SLC39A11: variants seen among roughly 807,000 people sequenced by gnomAD.
SLC39A11 encodes the protein solute carrier family 39 member 11.
Under a neutral mutation model 36.1 loss-of-function variants are expected in SLC39A11, and 33 were observed. That is an observed-to-expected ratio of 0.91 (90% CI 0.69 to 1.22). The LOEUF (loss-of-function observed/expected upper bound fraction) is 1.22. Among genes scored for constraint, SLC39A11 ranks in the 50% most tolerant of loss-of-function variants. SLC39A11 has a pLI of 0.00. For synonymous variants in SLC39A11, 166 were observed against 170.3 expected (o/e 0.97, Z 0.20); for missense variants, 432 against 430.3 (o/e 1.00, Z -0.03).
At chr17:73,004,156 A>AG in intron 4 of SLC39A11, among the ~76,000 whole-genome samples, 1 of 136,010 alleles carries the variant, frequency 7.4e-6, no homozygotes, top group African/African-American at 2.8e-5. Flanking sequence ...AGAAAGAAAG[A>AG]AGGAAAAAAA....
intron 3 of SLC39A11, among the ~76,000 whole-genome samples, chr17:73,047,618 T>C: frequency 6.6e-6 from 1 of 151,888 alleles, no homozygotes; most frequent in East Asian, 1.9e-4. Flanking sequence ...ACAGAATTAG[T>C]AAGCAGCAGA....
intron 5 of SLC39A11, among the ~76,000 whole-genome samples, chr17:72,918,410 CAAAAAAG>C (rs1442285340): frequency 2.6e-5 from 4 of 151,656 alleles, no homozygotes; most frequent in Middle Eastern, 3.4e-3. Flanking sequence ...ACTCCATCTC[CAAAAAAG>C]AAAAAAGAAA....
At chr17:72,755,963 C>G (rs944525510) in intron 6 of SLC39A11, among the ~76,000 whole-genome samples, 9 of 152,176 alleles carry the variant, frequency 5.9e-5, no homozygotes, top group Non-Finnish European at 1.2e-4. Flanking sequence ...TGACGCTGTT[C>G]CAATCCCAAT....
chr17:72,965,023 G>T (rs962031526), intron 4 of SLC39A11, among the ~76,000 whole-genome samples: 1 of 150,076 alleles, frequency 6.7e-6, no homozygotes, highest in East Asian at 2.0e-4. Flanking sequence ...AACACTGCAT[G>T]TTCTCACTCA....
intron 4 of SLC39A11, among the ~76,000 whole-genome samples, chr17:73,009,745 T>G (rs2090406707): frequency 6.6e-6 from 1 of 152,200 alleles, no homozygotes; most frequent in Non-Finnish European, 1.5e-5. Flanking sequence ...ACAACAAATT[T>G]TTTTTATTAT....
chr17:72,694,896 G>T (rs539000003), intron 7 of SLC39A11, among the ~76,000 whole-genome samples: 9 of 152,160 alleles, frequency 5.9e-5, no homozygotes, highest in Admixed American at 3.9e-4. Flanking sequence ...TTTCCTCCCC[G>T]GGAGAGTCTC....
chr17:72,855,909 A>T (rs1424907686), intron 5 of SLC39A11, among the ~76,000 whole-genome samples: 1 of 151,974 alleles, frequency 6.6e-6, no homozygotes, highest in Admixed American at 6.6e-5. Context: ...AAAAAAAAAA[A>T]GCAGAATAGA....
At chr17:72,688,883 A>G (rs2071880736) in intron 7 of SLC39A11, among the ~76,000 whole-genome samples, 1 of 152,126 alleles carries the variant, frequency 6.6e-6, no homozygotes, top group Admixed American at 6.5e-5. Flanking sequence ...CAGCTACTCT[A>G]GCTCTGACTT....
At chr17:73,086,019 C>T (rs137879786) in intron 2 of SLC39A11, among the ~76,000 whole-genome samples, 24 of 152,166 alleles carry the variant, frequency 1.6e-4, no homozygotes, top group Admixed American at 1.2e-3. Flanking sequence ...CAGAACAGTA[C>T]GTACTATATG....
chr17:72,910,065 A>G (rs1024604128), intron 5 of SLC39A11, among the ~76,000 whole-genome samples: 2 of 151,914 alleles, frequency 1.3e-5, no homozygotes, highest in Admixed American at 6.6e-5. Flanking sequence ...TCAACTTTCT[A>G]TAGCAGTTAC....
intron 4 of SLC39A11, among the ~76,000 whole-genome samples, chr17:73,000,191 G>C (rs2089738959): frequency 6.6e-6 from 1 of 152,084 alleles, no homozygotes; most frequent in Non-Finnish European, 1.5e-5. Context: ...ATCTCAGAAG[G>C]CAGCAAAATC....
At chr17:72,974,416 A>G (rs569852637) in intron 4 of SLC39A11, among the ~76,000 whole-genome samples, 8 of 136,254 alleles carry the variant, frequency 5.9e-5, no homozygotes, top group African/African-American at 1.9e-4. Flanking sequence ...TTGCATTTGT[A>G]TCTTCATTTT....
rs113368858 is a variant in SLC39A11, at chr17:72,906,750, C to T, written c.430+41002G>A. 1.6e-4 allele frequency among the ~76,000 whole-genome samples: 25 copies of T among 152,322 alleles called. 1 individual carries two copies. Among genetic ancestry groups the T allele is most frequent in the African/African-American group, 5.8e-4 (24 of 41,572 alleles). On this transcript the variant is annotated intron_variant, in intron 5 of 9. Coordinates refer to ENST00000255559, the MANE Select transcript of SLC39A11 (RefSeq NM_139177.4). ...ATTAAAGGCCCAAAATCAAAATACA[C>T]TTAGGTTTCAAATGATGCTTTCCCT...
chr17:72,966,132 A>G (rs2086955002), intron 4 of SLC39A11, among the ~76,000 whole-genome samples: 1 of 152,208 alleles, frequency 6.6e-6, no homozygotes, highest in South Asian at 2.1e-4. Flanking sequence ...GCAGCCACTG[A>G]AAACCCACAG....
At chr17:72,880,323 C>G (rs1284660560) in intron 5 of SLC39A11, among the ~76,000 whole-genome samples, 1 of 152,154 alleles carries the variant, frequency 6.6e-6, no homozygotes, top group Non-Finnish European at 1.5e-5. Context: ...AATCCCAACA[C>G]TTTGGGAGGT....
intron 4 of SLC39A11, among the ~76,000 whole-genome samples, chr17:72,968,917 C>T (rs1454291847): frequency 6.6e-6 from 1 of 152,046 alleles, no homozygotes; most frequent in Non-Finnish European, 1.5e-5. Context: ...GCGCCTACAC[C>T]GTCCCCTGCT....
At position 72,730,875 on chromosome 17, in the gene SLC39A11, C is replaced by T. The variant is rs547190439; in HGVS notation, c.671+5775G>A. Among the ~76,000 whole-genome samples the T allele has an allele frequency of 3.9e-5, 6 of 152,098 alleles. No individual in the cohort carries two copies. In the South Asian group the frequency reaches 6.3e-4, roughly 16 times the overall value. ...GGGGTCTCCCATCTTTATACTCAGC[C>T]GAGCAATAGGAACTATAGGTGTGCG... On this transcript the variant is annotated intron_variant, in intron 7 of 9. Coordinates refer to ENST00000255559, the MANE Select transcript of SLC39A11 (RefSeq NM_139177.4).
At chr17:72,956,925 A>G (rs1043288042) in intron 4 of SLC39A11, among the ~76,000 whole-genome samples, 4 of 152,188 alleles carry the variant, frequency 2.6e-5, no homozygotes, top group African/African-American at 9.7e-5. Context: ...TCAACTGGGC[A>G]TGGCTGCTCA....
chr17:72,935,197 G>A (rs545504936), intron 5 of SLC39A11, among the ~76,000 whole-genome samples: 3 of 152,284 alleles, frequency 2.0e-5, no homozygotes, highest in African/African-American at 4.8e-5. Context: ...AAAGGAACAC[G>A]CTGTTGACAC....
Sources: allele counts gnomAD v4.1 joint callset (sites outside exome capture counted in the v4.1 genomes callset), GRCh38; gene constraint gnomAD v4.1.1; transcripts MANE v1.5; gene names NCBI Gene and HGNC (gene_info 2026-07-23, HGNC 2026-07-21).